The following SRRM4 variants were observed in gnomAD, a reference collection of about 807,000 sequenced individuals.
SRRM4 encodes the protein serine/arginine repetitive matrix protein 4.
SRRM4 carries 33 observed loss-of-function variants against 68.9 expected under a neutral mutation model. The observed-to-expected ratio is 0.48, with a 90% CI of 0.36 to 0.64. The LOEUF (loss-of-function observed/expected upper bound fraction) is 0.64. SRRM4 is among the 30% of genes least tolerant of loss of function. The pLI is 0.00. For missense variants in SRRM4, 817 were observed against 827.1 expected (o/e 0.99, Z 0.15); for synonymous variants, 318 against 318.8 (o/e 1.00, Z 0.03).
chr12:119,126,014 C>CTTTTTTTTTTTTTTT lies in SRRM4; in HGVS notation c.614+548_614+562dup, dbSNP rs34680171. On this transcript the variant is annotated intron_variant, in intron 7 of 12. Transcript: ENST00000267260. The stretch of plus-strand genomic sequence containing the variant: ...AGGAATGACAACACCATACTAGCTG[C>CTTTTTTTTTTTTTTT]TTTTTTTTTTTTTTTTTTTTTTTTT... Among the ~76,000 whole-genome samples the CTTTTTTTTTTTTTTT allele has an allele frequency of 9.6e-4, 68 of 71,162 alleles. 8 individuals are homozygous for CTTTTTTTTTTTTTTT. The highest frequency in any genetic ancestry group is 1.6e-3 in the East Asian group (3 of 1,862). 46.7% of individuals were successfully genotyped at this position (71,162 alleles called of 152,430 possible).
At chr12:119,059,071 T>C (rs1331899879) in intron 1 of SRRM4, among the ~76,000 whole-genome samples, 1 of 152,184 alleles carries the variant, frequency 6.6e-6, no homozygotes, top group Non-Finnish European at 1.5e-5. Context: ...TCAAGATCTG[T>C]GAACAATAGA....
At chr12:119,059,909 C>T (rs1041238448) in intron 1 of SRRM4, among the ~76,000 whole-genome samples, 9 of 152,072 alleles carry the variant, frequency 5.9e-5, no homozygotes, top group Admixed American at 2.0e-4. Flanking sequence ...GTGCAGAGTC[C>T]CTTCATGTTG....
chr12:119,023,456 G>A (rs768556298), intron 1 of SRRM4, among the ~76,000 whole-genome samples: 4 of 152,104 alleles, frequency 2.6e-5, no homozygotes, highest in Non-Finnish European at 4.4e-5. Context: ...CAATTCCTTT[G>A]ATCCCTATCA....
At chr12:119,110,402 C>T (rs1018993786) in intron 2 of SRRM4, among the ~76,000 whole-genome samples, 2 of 152,216 alleles carry the variant, frequency 1.3e-5, no homozygotes, top group African/African-American at 2.4e-5. Flanking sequence ...GCCTTTTGTT[C>T]AGCTATGCCC....
At chr12:119,088,159 T>C (rs963633048) in intron 1 of SRRM4, among the ~76,000 whole-genome samples, 2 of 152,108 alleles carry the variant, frequency 1.3e-5, no homozygotes, top group Admixed American at 6.5e-5. Flanking sequence ...ATGGGCCACA[T>C]TGGTAGGTTC....
chr12:119,070,955 G>A (rs1277103645), intron 1 of SRRM4, among the ~76,000 whole-genome samples: 1 of 152,172 alleles, frequency 6.6e-6, no homozygotes, highest in Non-Finnish European at 1.5e-5. Context: ...AAACACAGCG[G>A]GGAGGTACCA....
chr12:119,073,349 G>A (rs534931712), intron 1 of SRRM4, among the ~76,000 whole-genome samples: 17 of 148,244 alleles, frequency 1.1e-4, no homozygotes, highest in African/African-American at 4.2e-4. Context: ...TTGAGAAGGA[G>A]TCTCACTCTG....
In SRRM4 at chr12:119,158,345, T is replaced by G. The variant is rs1954487244; in HGVS notation, c.*1547T>G. The G allele has an allele frequency of 6.5e-6, 1 of 152,718 alleles. No homozygotes were observed. Among genetic ancestry groups the G allele is most frequent in the Non-Finnish European group, 1.5e-5 (1 of 68,096 alleles). The allele number at this position is 152,718 out of a possible 1,614,324, so 9.5% of individuals were successfully genotyped here. A position where few individuals can be genotyped will look rare whatever the true frequency, so the allele number is the denominator to read the frequency against. On this transcript the variant is annotated 3_prime_UTR_variant, in exon 13 of 13. Coordinates refer to ENST00000267260, the MANE Select transcript of SRRM4 (RefSeq NM_194286.4). ...TTATGGGGAAGCAAGGGCCAAACAT[T>G]CTTTATCCCTCCCACCCCAGGGAAA... is the stretch of plus-strand genomic sequence containing the variant.
At chr12:119,029,953 G>A (rs1337992993) in intron 1 of SRRM4, among the ~76,000 whole-genome samples, 1 of 152,102 alleles carries the variant, frequency 6.6e-6, no homozygotes. Flanking sequence ...CCATACCTGG[G>A]GACCCATGCA....
intron 1 of SRRM4, among the ~76,000 whole-genome samples, chr12:119,054,395 T>C (rs1273689942): frequency 6.6e-6 from 1 of 152,218 alleles, no homozygotes; most frequent in Non-Finnish European, 1.5e-5. Flanking sequence ...GGAATATTAT[T>C]ATCCTACTTC....
chr12:119,130,043 GGTTA>G (rs1156294991), intron 7 of SRRM4, among the ~76,000 whole-genome samples: 3 of 151,314 alleles, frequency 2.0e-5, no homozygotes, highest in South Asian at 2.1e-4. Context: ...GTGGTTGGTT[GGTTA>G]GTTGGATGGA....
chr12:118,993,457 T>G (rs6490221), intron 1 of SRRM4, among the ~76,000 whole-genome samples: 25 of 152,100 alleles, frequency 1.6e-4, no homozygotes, highest in Non-Finnish European at 3.7e-4. Context: ...ATGGAGGGAT[T>G]GGAGTGGGCC....
In SRRM4 at chr12:119,116,431, G is replaced by C. The variant is rs577099949; in HGVS notation, c.366-506G>C. On this transcript the variant is annotated intron_variant, in intron 3 of 12. Transcript: ENST00000267260. Reference sequence around the variant, plus strand: ...GGATGGGGCAAAGGAGAAACCCTGAGACTTTGAGAGGAGGGTTGCAGCTTG... The same window carrying C: ...GGATGGGGCAAAGGAGAAACCCTGACACTTTGAGAGGAGGGTTGCAGCTTG... Among the ~76,000 whole-genome samples the C allele has an allele frequency of 2.9e-3, 441 of 152,326 alleles. 2 individuals carry two copies. The highest frequency in any genetic ancestry group is 0.01 in the African/African-American group (425 of 41,584).
In SRRM4 at chr12:118,981,647, C is replaced by T; in HGVS notation, c.-236C>T. 2.0e-6 allele frequency: 1 copy of T among 504,718 alleles called. No homozygotes were observed. The highest frequency in any genetic ancestry group is 2.8e-5 in the South Asian group (1 of 35,186). The allele number at this position is 504,718 out of a possible 1,614,324, so 31.3% of individuals were successfully genotyped here. ...GCGCAGAGGCTCAGCCAGCTCAGAG[C>T]GCAGCCTGGAGCCGACCCAGAAGGG... On this transcript the variant is annotated 5_prime_UTR_variant, in exon 1 of 13. Transcript: ENST00000267260.
At position 119,050,081 on chromosome 12, in the gene SRRM4, A is replaced by G. The variant is rs552976253; in HGVS notation, c.132-52155A>G. ...TTATTGTCTTTATGCTTCATCTAGG[A>G]GCTCTCTTGTCTGGGCCAATCGTGC... On this transcript the variant is annotated intron_variant, in intron 1 of 12. Transcript: ENST00000267260. 5.9e-5 allele frequency among the ~76,000 whole-genome samples: 9 copies of G among 152,280 alleles called. No homozygotes were observed. In the South Asian group the frequency reaches 1.9e-3, roughly 32 times the overall value.
At chr12:119,021,140 G>T (rs574488140) in intron 1 of SRRM4, among the ~76,000 whole-genome samples, 2 of 152,206 alleles carry the variant, frequency 1.3e-5, no homozygotes, top group Non-Finnish European at 2.9e-5. Flanking sequence ...TGTGAGAAGG[G>T]TGAGGGGGTG....
At chr12:119,146,312 C>A (rs972498732) in intron 9 of SRRM4, among the ~76,000 whole-genome samples, 1 of 152,122 alleles carries the variant, frequency 6.6e-6, no homozygotes, top group African/African-American at 2.4e-5. Flanking sequence ...ATTGACCAGG[C>A]GTGGTGGCTC....
intron 1 of SRRM4, among the ~76,000 whole-genome samples, chr12:119,083,626 A>T (rs1953962726): frequency 1.3e-5 from 2 of 152,158 alleles, no homozygotes; most frequent in African/African-American, 2.4e-5. Context: ...GTCACAAATA[A>T]ATTACTTGCC....
intron 2 of SRRM4, among the ~76,000 whole-genome samples, chr12:119,113,426 T>A (rs1954156928): frequency 6.6e-6 from 1 of 152,220 alleles, no homozygotes; most frequent in Non-Finnish European, 1.5e-5. Flanking sequence ...TTAACCTTTC[T>A]GAGGCTCAAG....
Sources: gnomAD v4.1 joint callset for allele counts (sites outside exome capture counted in the v4.1 genomes callset) on GRCh38, gnomAD v4.1.1 for gene constraint, MANE v1.5 for transcripts, NCBI Gene and HGNC (gene_info 2026-07-23, HGNC 2026-07-21) for gene names.